Variants in NKX2-3 observed in about 807,000 individuals in gnomAD.
NKX2-3 encodes NK2 homeobox 3.
NKX2-3 carries 3 observed loss-of-function variants against 14.2 expected under a neutral mutation model. The ratio of observed to expected loss-of-function variants is 0.21; its 90% CI spans 0.10 to 0.55. The LOEUF is 0.55. NKX2-3 is among the 20% of genes least tolerant of loss of function. The probability of loss-of-function intolerance (pLI) is 0.94; values close to 1 mark genes in which losing one functional copy is unlikely to be tolerated. For missense variants in NKX2-3, 511 were observed against 514.5 expected (o/e 0.99, Z 0.06); for synonymous variants, 276 against 234.2 (o/e 1.18, Z -1.63).
At position 99,533,334 on chromosome 10, in the gene NKX2-3, A is replaced by T; in HGVS notation, c.203A>T (p.Glu68Val). 3.7e-6 allele frequency: 6 copies of T among 1,613,066 alleles called. No homozygotes were observed. In the East Asian group the frequency reaches 1.3e-4, roughly 36 times the overall value. ...GAGGAGGACGAGGAAGACGAGGGCGAGAAATTGTCCTATTTGAACTCACTA... is the reference window on the plus strand; with the variant it reads ...GAGGAGGACGAGGAAGACGAGGGCGTGAAATTGTCCTATTTGAACTCACTA... Reference protein sequence around the residue: ...GGEEDEEDEGEKLSYLNSLAA... With the variant: ...GGEEDEEDEGVKLSYLNSLAA... Residue 68 changes from glutamate to valine, a missense_variant, in exon 1 of 2, where the codon GAG becomes GTG. Physicochemically the swap from Glu to Val is moderately radical, Grantham distance 121. This residue lies in a region of NKX2-3 where 243 missense variants were observed against 242.3 expected (regional missense o/e 1.00). Coordinates refer to ENST00000344586, the MANE Select transcript of NKX2-3 (RefSeq NM_145285.3).
chr10:99,534,439 G>T (rs1194906768), intron 1 of NKX2-3, among the ~76,000 whole-genome samples: 1 of 152,210 alleles, frequency 6.6e-6, no homozygotes, highest in Non-Finnish European at 1.5e-5. Flanking sequence ...CATTTTCAAA[G>T]TGCACACAGA....
intron 1 of NKX2-3, among the ~76,000 whole-genome samples, chr10:99,534,168 C>T (rs1338356876): frequency 6.6e-6 from 1 of 152,228 alleles, no homozygotes; most frequent in Non-Finnish European, 1.5e-5. Flanking sequence ...TAACGTTTTG[C>T]TTTGTGTCCC....
At chr10:99,534,802 T>C (rs2033947913) in intron 1 of NKX2-3, among the ~76,000 whole-genome samples, 183 bp from the exon 2 acceptor site, 1 of 152,196 alleles carries the variant, frequency 6.6e-6, no homozygotes, top group African/African-American at 2.4e-5. Flanking sequence ...GCTAAGGGCG[T>C]TCTTTGGGTA....
chr10:99,534,798 G>C (rs985209057), intron 1 of NKX2-3, among the ~76,000 whole-genome samples, 187 bp from the exon 2 acceptor site: 4 of 152,148 alleles, frequency 2.6e-5, no homozygotes, highest in Non-Finnish European at 4.4e-5. Context: ...GCCTGCTAAG[G>C]GCGTTCTTTG....
chr10:99,536,059 C>T lies in NKX2-3; in HGVS notation c.*338C>T. ...CAAAGCGAGAAGGGCTTCTCTCCCT[C>T]TGCCTTTCCGCGGCCTCCGCGAAGC... On this transcript the variant is annotated 3_prime_UTR_variant, in exon 2 of 2. Coordinates refer to ENST00000344586, the MANE Select transcript of NKX2-3 (RefSeq NM_145285.3). The T allele has an allele frequency of 3.2e-6, 1 of 308,334 alleles. No homozygotes were observed. The highest frequency in any genetic ancestry group is 2.2e-5 in the African/African-American group (1 of 45,610). The allele number at this position is 308,334 out of a possible 1,614,324, so 19.1% of individuals were successfully genotyped here.
chr10:99,535,768 G>T lies in NKX2-3; in HGVS notation c.*47G>T. The stretch of plus-strand genomic sequence containing the variant: ...GGGCACCCCAGCGCAGCCTGGCGCC[G>T]CGGGACTGAAGCTCGAGAAGGGCCT... On this transcript the variant is annotated 3_prime_UTR_variant, in exon 2 of 2. Transcript: ENST00000344586. 2.7e-6 allele frequency: 4 copies of T among 1,504,266 alleles called. No individual in the cohort carries two copies. In the South Asian group the frequency reaches 4.9e-5, roughly 19 times the overall value. 93.2% of individuals were successfully genotyped at this position (1,504,266 alleles called of 1,614,324 possible). A position where few individuals can be genotyped will look rare whatever the true frequency, so the allele number is the denominator to read the frequency against.
At chr10:99,533,981 C>A (rs2033938734) in intron 1 of NKX2-3, among the ~76,000 whole-genome samples, 1 of 152,226 alleles carries the variant, frequency 6.6e-6, no homozygotes, top group Non-Finnish European at 1.5e-5. Context: ...GGGGCAGGAA[C>A]TTTGGTGGAG....
rs978548518 is a variant in NKX2-3 at position 99,535,852 on chromosome 10, C to T, written c.*131C>T. The T allele has an allele frequency of 3.0e-5, 32 of 1,063,994 alleles. No individual in the cohort carries two copies. In the East Asian group the frequency reaches 9.3e-4, roughly 31 times the overall value. 65.9% of individuals were successfully genotyped at this position (1,063,994 alleles called of 1,614,324 possible). ...ATGTACGTCTAGCTCCTCAGGGCTT[C>T]GGATCGCAGCTCACTCGAGGCCTGG... On this transcript the variant is annotated 3_prime_UTR_variant, in exon 2 of 2. Transcript: ENST00000344586.
In NKX2-3 at chr10:99,533,321, G is replaced by A. The variant is rs777591962; in HGVS notation, c.190G>A (p.Glu64Lys). 2 of 1,613,562 alleles carry A rather than the reference G, an allele frequency of 1.2e-6. No homozygotes were observed. The highest frequency in any genetic ancestry group is 2.2e-5 in the South Asian group (2 of 90,964). The change falls in exon 1 of 2, where the codon GAA becomes AAA. Residue 64 changes from glutamate to lysine, a missense_variant. Around this residue, in one of 3 missense-constraint regions of NKX2-3, gnomAD observed 243 missense variants for 242.3 expected, o/e 1.00. Coordinates refer to ENST00000344586, the MANE Select transcript of NKX2-3 (RefSeq NM_145285.3). ...QFSDGGEEDE[E>K]DEGEKLSYLN... Reference sequence around the variant, plus strand: ...TTCTGACGGAGGGGAGGAGGACGAGGAAGACGAGGGCGAGAAATTGTCCTA... The same window carrying A: ...TTCTGACGGAGGGGAGGAGGACGAGAAAGACGAGGGCGAGAAATTGTCCTA...
In NKX2-3 at chr10:99,535,444, C is replaced by T; in HGVS notation, c.818C>T (p.Ala273Val). The T allele has an allele frequency of 1.7e-6, 2 of 1,192,026 alleles. No homozygotes were observed. Among genetic ancestry groups the T allele is most frequent in the Non-Finnish European group, 1.1e-6 (1 of 947,042 alleles). 73.8% of individuals were successfully genotyped at this position (1,192,026 alleles called of 1,614,324 possible). ...PAYGYGNSAA[A>V]AAAAAAAAAA... is the part of the protein sequence containing the mutation. ...TACGGCTATGGGAACTCGGCCGCGG[C>T]CGCCGCCGCCGCCGCCGCCGCCGCC... The change falls in exon 2 of 2, where the codon GCC becomes GTC. Residue 273 changes from alanine to valine, a missense_variant. Coordinates refer to ENST00000344586, the MANE Select transcript of NKX2-3 (RefSeq NM_145285.3).
Position 99,536,113 on chromosome 10 carries a change from A to C in NKX2-3, c.*392A>C. On this transcript the variant is annotated 3_prime_UTR_variant, in exon 2 of 2. Coordinates refer to ENST00000344586, the MANE Select transcript of NKX2-3 (RefSeq NM_145285.3). ...GGCGGGGAGCCCAAGGACATAACAA[A>C]TTAAAAGCATGAAGGAGAGAAAAAT... The C allele has an allele frequency of 1.4e-5, 3 of 213,268 alleles. No homozygotes were observed. Among genetic ancestry groups the C allele is most frequent in the Non-Finnish European group, 2.8e-5 (3 of 106,794 alleles). 13.2% of individuals were successfully genotyped at this position (213,268 alleles called of 1,614,324 possible).
At position 99,535,695 on chromosome 10, in the gene NKX2-3, A is replaced by C; in HGVS notation, c.1069A>C (p.Thr357Pro). 6.5e-7 allele frequency: 1 copy of C among 1,535,434 alleles called. No individual in the cohort carries two copies. Among genetic ancestry groups the C allele is most frequent in the East Asian group, 2.5e-5 (1 of 40,704 alleles). The change falls in exon 2 of 2, where the codon ACC (threonine) becomes CCC (proline). Residue 357 changes from threonine to proline, a missense_variant. Coordinates refer to ENST00000344586, the MANE Select transcript of NKX2-3 (RefSeq NM_145285.3). ...TAAGAACAQG[T>P]LQGIRAW Reference sequence around the variant, plus strand: ...AGCCGGGGCCGCGTGCGCTCAGGGCACCTTGCAGGGCATCCGGGCCTGGTA... The same window carrying C: ...AGCCGGGGCCGCGTGCGCTCAGGGCCCCTTGCAGGGCATCCGGGCCTGGTA...
rs1286829118 is a variant in NKX2-3 at position 99,535,701 on chromosome 10, C to T, written c.1075C>T (p.Gln359Ter). ...AGAACAQGTL[Q>*]GIRAW ...GGCCGCGTGCGCTCAGGGCACCTTG[C>T]AGGGCATCCGGGCCTGGTAGGGACG... The change falls in exon 2 of 2, where the codon CAG (glutamine) becomes TAG (stop). Residue 359 changes from glutamine to a stop codon, truncating the protein, a stop_gained. Transcript: ENST00000344586. LOFTEE classifies it high-confidence loss of function. 1 of 1,534,848 alleles carries T rather than the reference C, an allele frequency of 6.5e-7. No individual in the cohort carries two copies. Among genetic ancestry groups the T allele is most frequent in the South Asian group, 1.2e-5 (1 of 83,964 alleles).
chr10:99,535,053 C>T lies in NKX2-3; in HGVS notation c.427C>T (p.Pro143Ser), dbSNP rs2033952948. 2 of 1,606,682 alleles carry T rather than the reference C, an allele frequency of 1.2e-6. No homozygotes were observed. Among genetic ancestry groups the T allele is most frequent in the Non-Finnish European group, 1.7e-6 (2 of 1,177,226 alleles). The change falls in exon 2 of 2, where the codon CCG becomes TCG. Residue 143 changes from proline (P) to serine (S), a missense_variant. Pro to Ser is a moderately conservative substitution (Grantham distance 74, BLOSUM62 -1). Transcript: ENST00000344586. ...CAAGGCGGCGGAGGAGAGCGAGAGG[C>T]CGAAGCCACGCAGCCGCCGGAAGCC... ...DCKAAEESER[P>S]KPRSRRKPRV...
At chr10:99,534,348 G>T (rs1414130002) in intron 1 of NKX2-3, among the ~76,000 whole-genome samples, 1 of 152,264 alleles carries the variant, frequency 6.6e-6, no homozygotes, top group Non-Finnish European at 1.5e-5. Flanking sequence ...GTTTGATGTG[G>T]CAGAGGCCAA....
At chr10:99,534,033 C>A (rs749319332) in intron 1 of NKX2-3, among the ~76,000 whole-genome samples, 20 of 152,198 alleles carry the variant, frequency 1.3e-4, no homozygotes, top group Non-Finnish European at 2.4e-4. Flanking sequence ...TGGAGCTCAG[C>A]GTCCTTGAAC....
At position 99,533,440 on chromosome 10, in the gene NKX2-3, G is replaced by T; in HGVS notation, c.309G>T (p.Glu103Asp). 6.3e-7 allele frequency: 1 copy of T among 1,594,260 alleles called. No homozygotes were observed. Among genetic ancestry groups the T allele is most frequent in the Non-Finnish European group, 8.5e-7 (1 of 1,171,136 alleles). Residue 103 changes from glutamate to aspartate, a missense_variant, in exon 1 of 2, where the codon GAG (glutamate) becomes GAT (aspartate). By Grantham distance (45) the Glu-to-Asp change is conservative (BLOSUM62 2). Coordinates refer to ENST00000344586, the MANE Select transcript of NKX2-3 (RefSeq NM_145285.3). The part of the protein sequence containing the change: ...VHTVLRDSCS[E>D]PKEHEEEPEV... Reference sequence around the variant, plus strand: ...CGGTCCTGCGAGACTCGTGCAGCGAGCCCAAGGAACATGAAGAGGAGCCCG... The same window carrying T: ...CGGTCCTGCGAGACTCGTGCAGCGATCCCAAGGAACATGAAGAGGAGCCCG...
chr10:99,535,823 A>G lies in NKX2-3; in HGVS notation c.*102A>G. 7.7e-7 allele frequency: 1 copy of G among 1,297,054 alleles called. No homozygotes were observed. The highest frequency in any genetic ancestry group is 1.0e-6 in the Non-Finnish European group (1 of 980,724). The allele number at this position is 1,297,054 out of a possible 1,614,324, so 80.3% of individuals were successfully genotyped here. Reference sequence around the variant, plus strand: ...TAAAGGTCAGGTCCCCTCGTTAAAAAAATATGTACGTCTAGCTCCTCAGGG... The same window carrying G: ...TAAAGGTCAGGTCCCCTCGTTAAAAGAATATGTACGTCTAGCTCCTCAGGG... On this transcript the variant is annotated 3_prime_UTR_variant, in exon 2 of 2. Transcript: ENST00000344586.
Position 99,535,553 on chromosome 10 carries a change from G to T in NKX2-3, c.927G>T (p.Ala309=). The T allele has an allele frequency of 1.4e-6, 2 of 1,418,438 alleles. No homozygotes were observed. Among genetic ancestry groups the T allele is most frequent in the Middle Eastern group, 2.2e-4 (1 of 4,630 alleles). The allele number at this position is 1,418,438 out of a possible 1,614,324, so 87.9% of individuals were successfully genotyped here. ...GCGGCGGCGGCGGGACCTCCGCGGC[G>T]ACCACTGCCATGCAGCCCGCCTGCA... is the stretch of plus-strand genomic sequence containing the variant. The part of the protein sequence containing the change: ...GGGGGGGTSA[A]TTAMQPACSA... Residue 309 remains alanine (A), a synonymous_variant, in exon 2 of 2, where the codon GCG becomes GCT. Transcript: ENST00000344586.
Sources: allele counts gnomAD v4.1 joint callset (sites outside exome capture counted in the v4.1 genomes callset), GRCh38; gene constraint gnomAD v4.1.1; regional missense constraint gnomAD v4.1.1; transcripts MANE v1.5; gene names NCBI Gene and HGNC (gene_info 2026-07-23, HGNC 2026-07-21).